Variants in HEPH observed in about 807,000 individuals in gnomAD.
HEPH encodes hephaestin.
In HEPH, 69 loss-of-function variants were observed where a neutral mutation model predicts 80.8. That is an observed-to-expected ratio of 0.85 (90% CI 0.70 to 1.04). The LOEUF (loss-of-function observed/expected upper bound fraction) is 1.04, where lower values mean the gene tolerates loss of function less well. HEPH is among the 50% of genes least tolerant of loss of function. The pLI is 0.00. For synonymous variants in HEPH, 431 were observed against 322.8 expected (o/e 1.34, Z -3.60); for missense variants, 1,115 against 891.3 (o/e 1.25, Z -3.20).
At chrX:66,207,096 T>G in intron 13 of HEPH, 99 bp from the exon 14 acceptor site, 2 of 702,348 alleles carry the variant, frequency 2.8e-6, no homozygotes, top group Non-Finnish European at 4.0e-6. Flanking sequence ...TTTCTGTCTG[T>G]GACATGAAGC....
chrX:66,165,750 A>G (rs1247351808), intron 1 of HEPH, among the ~76,000 whole-genome samples: 1 of 111,855 alleles, frequency 8.9e-6, no homozygotes, highest in Non-Finnish European at 1.9e-5. Flanking sequence ...CAAATAGCCT[A>G]GAATTTTTCT....
intron 4 of HEPH, among the ~76,000 whole-genome samples, chrX:66,187,151 G>T (rs1010020725): frequency 8.1e-5 from 9 of 110,490 alleles, no homozygotes; most frequent in African/African-American, 2.6e-4. Flanking sequence ...TTTTTTTGTT[G>T]TTGTTGTTGT....
chrX:66,199,286 A>G (rs1177446986), intron 11 of HEPH, among the ~76,000 whole-genome samples: 1 of 110,671 alleles, frequency 9.0e-6, no homozygotes, highest in Non-Finnish European at 1.9e-5. Flanking sequence ...AATCTACAAG[A>G]GATTGTGAAG....
In HEPH at chrX:66,173,773, A is replaced by G; in HGVS notation, c.597A>G (p.Leu199=). 8.3e-7 allele frequency: 1 copy of G among 1,198,007 alleles called. No homozygotes were observed. The highest frequency in any genetic ancestry group is 1.1e-6 in the Non-Finnish European group (1 of 887,856). ...CTCCACGAGACATTGCAACTGGCCT[A>G]ATTGGGCCTCTCATCACCTGTAAAA... is the stretch of plus-strand genomic sequence containing the variant. ...VDAPRDIATG[L]IGPLITCKRG... is the part of the protein sequence containing the mutation. Residue 199 remains leucine, a synonymous_variant, in exon 4 of 21, where the codon CTA becomes CTG. Coordinates refer to ENST00000343002, the MANE Select transcript of HEPH (RefSeq NM_001367233.3).
intron 15 of HEPH, among the ~76,000 whole-genome samples, chrX:66,243,664 C>T (rs781702399): frequency 8.8e-6 from 1 of 113,094 alleles, no homozygotes; most frequent in South Asian, 3.6e-4. Context: ...AACCAGTTTA[C>T]ATTCGGTTAA....
At chrX:66,246,901 C>T (rs2090831720) in intron 15 of HEPH, among the ~76,000 whole-genome samples, 1 of 111,932 alleles carries the variant, frequency 8.9e-6, no homozygotes, top group South Asian at 3.8e-4. Flanking sequence ...GCCATATTGG[C>T]CCCTCCCACC....
upstream of HEPH, chrX:66,164,110 C>A: frequency 2.1e-6 from 1 of 479,790 alleles, no homozygotes. Context: ...GACCAATTAG[C>A]AAGTCCTGAT....
chrX:66,212,697 G>C (rs775832666), intron 15 of HEPH, among the ~76,000 whole-genome samples: 32 of 111,758 alleles, frequency 2.9e-4, no homozygotes, highest in African/African-American at 1.0e-3. Context: ...TTTATACCAT[G>C]CTGTTTTGAT....
chrX:66,254,972 G>T (rs1376922557), intron 15 of HEPH, 63 bp from the exon 16 acceptor site: 1 of 695,460 alleles, frequency 1.4e-6, no homozygotes, highest in Non-Finnish European at 2.2e-6. Context: ...CTCTTGGGGA[G>T]ACCTGGGAGT....
At chrX:66,253,161 A>G (rs1277902402) in intron 15 of HEPH, among the ~76,000 whole-genome samples, 2 of 112,395 alleles carry the variant, frequency 1.8e-5, no homozygotes, top group South Asian at 7.3e-4. Flanking sequence ...AATCCACAGG[A>G]TGTGAAACAA....
intron 20 of HEPH, among the ~76,000 whole-genome samples, chrX:66,264,133 C>A (rs1393927988): frequency 9.1e-6 from 1 of 109,686 alleles, no homozygotes. Flanking sequence ...GAATAAAAAA[C>A]TACCTATTAA....
intron 4 of HEPH, among the ~76,000 whole-genome samples, chrX:66,176,245 A>G (rs777337767): frequency 6.2e-5 from 7 of 112,222 alleles, no homozygotes; most frequent in African/African-American, 1.9e-4. Context: ...ATTTTGTTGA[A>G]TGCATTTTCT....
intron 17 of HEPH, among the ~76,000 whole-genome samples, chrX:66,257,721 A>C (rs1452035753): frequency 8.9e-6 from 1 of 112,106 alleles, no homozygotes. Context: ...GATCAATAAG[A>C]GGCTGAGTTG....
At position 66,173,849 on chromosome X, in the gene HEPH, G is replaced by A. The variant is rs780562774; in HGVS notation, c.625+48G>A. 10 of 961,304 alleles carry A rather than the reference G, an allele frequency of 1.0e-5. No individual in the cohort carries two copies. In the Admixed American group the frequency reaches 2.8e-4, roughly 27 times the overall value. 79.2% of individuals were successfully genotyped at this position (961,304 alleles called of 1,213,427 possible). A position where few individuals can be genotyped will look rare whatever the true frequency, so the allele number is the denominator to read the frequency against. ...ATGAGGTGTAGTTTGGGACATCTAG[G>A]GGTAGCAGTGATATGGTTGAACCAC... On this transcript the variant is annotated intron_variant, in intron 4 of 20. Coordinates refer to ENST00000343002, the MANE Select transcript of HEPH (RefSeq NM_001367233.3).
At position 66,199,546 on chromosome X, in the gene HEPH, C is replaced by T. The variant is rs748463449; in HGVS notation, c.1864+518C>T. Reference sequence around the variant, plus strand: ...CAAAGTTCATTCCAGTTAGAATTTACTGAGCGCCTAATTGGTACTAGGTAA... The same window carrying T: ...CAAAGTTCATTCCAGTTAGAATTTATTGAGCGCCTAATTGGTACTAGGTAA... On this transcript the variant is annotated intron_variant, in intron 11 of 20. Transcript: ENST00000343002. Among the ~76,000 whole-genome samples the T allele has an allele frequency of 9.8e-5, 11 of 112,011 alleles. No homozygotes were observed. In the South Asian group the frequency reaches 4.1e-3, roughly 42 times the overall value.
At position 66,192,163 on chromosome X, in the gene HEPH, G is replaced by C. The variant is rs752443355; in HGVS notation, c.1097G>C (p.Cys366Ser). ...CAGGCACTCTACAAGGTCAAGTCTTGCTCCATGGCCCCTCCTGTGGACCTG... is the reference window on the plus strand; with the variant it reads ...CAGGCACTCTACAAGGTCAAGTCTTCCTCCATGGCCCCTCCTGTGGACCTG... ...GMQALYKVKS[C>S]SMAPPVDLLT... Residue 366 changes from cysteine (C) to serine (S), a missense_variant, in exon 7 of 21, where the codon TGC (cysteine) becomes TCC (serine). Physicochemically the swap from Cys to Ser is moderately radical, Grantham distance 112. Around this residue, in one of 3 missense-constraint regions of HEPH, gnomAD observed 391 missense variants for 343.6 expected, o/e 1.14. Transcript: ENST00000343002. 1.7e-6 allele frequency: 2 copies of C among 1,210,079 alleles called. No homozygotes were observed. The highest frequency in any genetic ancestry group is 4.4e-5 in the Admixed American group (2 of 45,971).
intron 15 of HEPH, among the ~76,000 whole-genome samples, chrX:66,226,536 A>G (rs1394799398): frequency 3.6e-5 from 4 of 112,223 alleles, no homozygotes; most frequent in Non-Finnish European, 7.5e-5. Flanking sequence ...AATAAAATTG[A>G]TAGACCGTTA....
At chrX:66,228,841 T>C (rs1185864616) in intron 15 of HEPH, among the ~76,000 whole-genome samples, 2 of 111,787 alleles carry the variant, frequency 1.8e-5, no homozygotes, top group Non-Finnish European at 1.9e-5. Context: ...ACATTACTTC[T>C]GCAAGAATGG....
chrX:66,260,418 C>A (rs1040415245), intron 19 of HEPH, among the ~76,000 whole-genome samples, 156 bp downstream of exon 19: 1 of 111,447 alleles, frequency 9.0e-6, no homozygotes, highest in Non-Finnish European at 1.9e-5. Flanking sequence ...ATTGCCCCAA[C>A]CAGTATTTCT....
Sources: gnomAD v4.1 joint callset for allele counts (sites outside exome capture counted in the v4.1 genomes callset) on GRCh38, gnomAD v4.1.1 for gene constraint, gnomAD v4.1.1 regional missense constraint, MANE v1.5 for transcripts, NCBI Gene and HGNC (gene_info 2026-07-23, HGNC 2026-07-21) for gene names.